Variants in SEMA5A observed in about 807,000 individuals in gnomAD.
SEMA5A encodes semaphorin-5A.
In SEMA5A, 55 loss-of-function variants were observed where a neutral mutation model predicts 135.5. The ratio of observed to expected loss-of-function variants is 0.41; its 90% CI spans 0.33 to 0.51. SEMA5A has a LOEUF of 0.51. Among genes scored for constraint, SEMA5A ranks in the 20% least tolerant of loss-of-function variants. The pLI is 0.37. For synonymous variants in SEMA5A, 580 were observed against 546.5 expected, an observed-to-expected ratio of 1.06 and a Z score of -0.85; for missense variants, 1,290 against 1,419.9, an observed-to-expected ratio of 0.91 and a Z score of 1.47.
chr5:9,141,507 A>G (rs1360126413), intron 12 of SEMA5A, among the ~76,000 whole-genome samples: 1 of 152,184 alleles, frequency 6.6e-6, no homozygotes, highest in Non-Finnish European at 1.5e-5. Context: ...TTACCCTGGT[A>G]TTTGAAAGTA....
intron 1 of SEMA5A, among the ~76,000 whole-genome samples, chr5:9,500,157 A>G (rs1448252608): frequency 6.6e-6 from 1 of 152,236 alleles, no homozygotes; most frequent in African/African-American, 2.4e-5. Flanking sequence ...ACACAGAGCC[A>G]GATGTAAATT....
At position 9,194,230 on chromosome 5, in the gene SEMA5A, TG is replaced by T. The variant is rs530726746; in HGVS notation, c.1068+2937del. Among the ~76,000 whole-genome samples the T allele has an allele frequency of 2.0e-5, 3 of 152,160 alleles. No homozygotes were observed. The South Asian group carries it at 6.2e-4, about 32-fold the overall frequency. On this transcript the variant is annotated intron_variant, in intron 10 of 22. Coordinates refer to ENST00000382496, the MANE Select transcript of SEMA5A (RefSeq NM_003966.3). ...CAGGGCTCTGAAGCACCGCCTAGAG[TG>T]GTTTATATATTTTGTCCGAAAAAAA...
intron 14 of SEMA5A, among the ~76,000 whole-genome samples, chr5:9,120,123 A>T (rs1441539489): frequency 1.3e-5 from 2 of 152,034 alleles, no homozygotes; most frequent in African/African-American, 4.8e-5. Flanking sequence ...TTAAATCCAG[A>T]TTCCAAACTT....
At chr5:9,237,734 C>T (rs961626288) in intron 6 of SEMA5A, 94 bp downstream of exon 6, 33 of 1,123,018 alleles carry the variant, frequency 2.9e-5, no homozygotes, top group East Asian at 4.8e-5. Context: ...TACATGGCAC[C>T]GTAATCAGGA....
chr5:9,103,600 G>A (rs866607445), intron 16 of SEMA5A, among the ~76,000 whole-genome samples: 3 of 152,050 alleles, frequency 2.0e-5, no homozygotes, highest in South Asian at 2.1e-4. Flanking sequence ...ATTGTTTCAC[G>A]CTTTACATGA....
chr5:9,414,504 T>C (rs1192572996), intron 2 of SEMA5A, among the ~76,000 whole-genome samples: 1 of 152,186 alleles, frequency 6.6e-6, no homozygotes, highest in Non-Finnish European at 1.5e-5. Flanking sequence ...TGGAAATAGG[T>C]TCACTTTCAA....
In SEMA5A at chr5:9,459,321, T is replaced by C. The variant is rs563402261; in HGVS notation, c.-174-21469A>G. On this transcript the variant is annotated intron_variant, in intron 1 of 22. Coordinates refer to ENST00000382496, the MANE Select transcript of SEMA5A (RefSeq NM_003966.3). ...AATAGAACACAGCAAAGATAATATA[T>C]ATGCATGATTAGGTCGTTATATTAT... is the stretch of plus-strand genomic sequence containing the variant. 7.2e-5 allele frequency among the ~76,000 whole-genome samples: 11 copies of C among 152,258 alleles called. No individual in the cohort carries two copies. The East Asian group carries it at 1.9e-3, about 27-fold the overall frequency.
chr5:9,061,798 A>C (rs542872504), intron 18 of SEMA5A, among the ~76,000 whole-genome samples: 1 of 151,998 alleles, frequency 6.6e-6, no homozygotes, highest in Non-Finnish European at 1.5e-5. Context: ...CTAGGCCCAC[A>C]GGAGAGAAGA....
intron 8 of SEMA5A, among the ~76,000 whole-genome samples, chr5:9,212,178 C>T (rs1561026812): frequency 1.3e-5 from 2 of 152,214 alleles, no homozygotes; most frequent in Non-Finnish European, 2.9e-5. Flanking sequence ...ACTCAATTTG[C>T]ACAATATTAA....
At chr5:9,540,627 T>C (rs927600353) in intron 1 of SEMA5A, among the ~76,000 whole-genome samples, 8 of 151,906 alleles carry the variant, frequency 5.3e-5, no homozygotes, top group African/African-American at 1.9e-4. Context: ...AGAAAATCAG[T>C]AGTTTTACAA....
At chr5:9,278,637 G>A (rs181765456) in intron 5 of SEMA5A, among the ~76,000 whole-genome samples, 23 of 152,316 alleles carry the variant, frequency 1.5e-4, no homozygotes, top group African/African-American at 3.6e-4. Context: ...TTTTGTGGGC[G>A]AGGCCCAGGG....
chr5:9,342,402 A>G (rs1753691402), intron 3 of SEMA5A, among the ~76,000 whole-genome samples: 3 of 152,174 alleles, frequency 2.0e-5, no homozygotes. Flanking sequence ...GGCTCCGGAT[A>G]CCTGTTTCAT....
intron 19 of SEMA5A, among the ~76,000 whole-genome samples, chr5:9,052,767 T>A (rs770137153): frequency 6.6e-6 from 1 of 151,802 alleles, no homozygotes; most frequent in Non-Finnish European, 1.5e-5. Flanking sequence ...CATACAGATG[T>A]GTGAAAAGAA....
At position 9,415,772 on chromosome 5, in the gene SEMA5A, C is replaced by T. The variant is rs145010732; in HGVS notation, c.-78+21984G>A. ...TGTCTGCACCGTTGTAATTCACTCA[C>T]TGGTTTATGGCCTCACTCTATTTCA... On this transcript the variant is annotated intron_variant, in intron 2 of 22. Transcript: ENST00000382496. Among the ~76,000 whole-genome samples the T allele has an allele frequency of 3.6e-3, 547 of 152,330 alleles. 4 individuals carry two copies. Among genetic ancestry groups the T allele is most frequent in the Non-Finnish European group, 6.2e-3 (424 of 68,044 alleles).
At chr5:9,293,245 T>C (rs982522544) in intron 5 of SEMA5A, among the ~76,000 whole-genome samples, 1 of 152,214 alleles carries the variant, frequency 6.6e-6, no homozygotes, top group Non-Finnish European at 1.5e-5. Flanking sequence ...GCATCTGATA[T>C]CTTTTTGTCA....
At chr5:9,383,258 G>A (rs1755692595) in intron 2 of SEMA5A, among the ~76,000 whole-genome samples, 1 of 152,244 alleles carries the variant, frequency 6.6e-6, no homozygotes, top group South Asian at 2.1e-4. Context: ...CCTGATCTGA[G>A]ACTTAAGATA....
At chr5:9,484,794 T>C (rs568708693) in intron 1 of SEMA5A, among the ~76,000 whole-genome samples, 3 of 152,262 alleles carry the variant, frequency 2.0e-5, no homozygotes, top group African/African-American at 4.8e-5. Context: ...TCCACAGCAC[T>C]GGGGTTCTAT....
intron 1 of SEMA5A, among the ~76,000 whole-genome samples, chr5:9,447,344 G>C (rs961497463): frequency 5.3e-5 from 8 of 152,136 alleles, no homozygotes; most frequent in South Asian, 4.1e-4. Flanking sequence ...TTTTGCCTTG[G>C]AAGACAAACT....
intron 6 of SEMA5A, among the ~76,000 whole-genome samples, chr5:9,235,805 A>C (rs1388972465): frequency 6.6e-6 from 1 of 152,216 alleles, no homozygotes; most frequent in Admixed American, 6.5e-5. Context: ...AAAGACAAGA[A>C]GAAAGAGTTG....
Sources: allele counts gnomAD v4.1 joint callset (sites outside exome capture counted in the v4.1 genomes callset), GRCh38; gene constraint gnomAD v4.1.1; transcripts MANE v1.5; gene names NCBI Gene and HGNC (gene_info 2026-07-23, HGNC 2026-07-21).